Variants in ZNF268 observed in about 807,000 individuals in gnomAD.
The protein encoded by ZNF268 is zinc finger protein 268, also known as zinc finger protein 3.
In ZNF268, 20 loss-of-function variants were observed where a neutral mutation model predicts 29.3. That is an observed-to-expected ratio of 0.68 (90% CI 0.48 to 0.99). The LOEUF is 0.99. Ranked by LOEUF, ZNF268 falls within the 50% of genes least tolerant of loss-of-function variation. ZNF268 has a pLI of 0.00. For synonymous variants in ZNF268, 429 were observed against 376.9 expected (o/e 1.14, Z -1.60); for missense variants, 1,240 against 1,121.6 (o/e 1.11, Z -1.51).
chr12:133,202,955 A>C lies in ZNF268; in HGVS notation c.1269A>C (p.Lys423Asn). ...EKPYECNECQ[K>N]AFNTKSNLMV... ...CATATGAATGCAATGAATGTCAGAAAGCCTTTAATACAAAGTCAAACCTTA... is the reference window on the plus strand; with the variant it reads ...CATATGAATGCAATGAATGTCAGAACGCCTTTAATACAAAGTCAAACCTTA... The change falls in exon 6 of 6, where the codon AAA (lysine) becomes AAC (asparagine). Residue 423 changes from lysine (K) to asparagine (N), a missense_variant. Coordinates refer to ENST00000536435, the MANE Select transcript of ZNF268 (RefSeq NM_003415.3). 1.3e-6 allele frequency: 2 copies of C among 1,546,222 alleles called. No homozygotes were observed. Among genetic ancestry groups the C allele is most frequent in the Non-Finnish European group, 1.7e-6 (2 of 1,150,520 alleles).
Position 133,212,395 on chromosome 12 carries a change from A to T in ZNF268, c.*7865A>T, listed in dbSNP as rs1167688296. 1 of 148,710 alleles carries T rather than the reference A, an allele frequency of 6.7e-6. No individual in the cohort carries two copies. The highest frequency in any genetic ancestry group is 1.5e-5 in the Non-Finnish European group (1 of 67,536). The allele number at this position is 148,710 out of a possible 1,614,324, so 9.2% of individuals were successfully genotyped here. ...GGAGAGCAGGGTGTTCTTTCATCAC[A>T]CATGAAATTATTTCAGGATCAGTTC... On this transcript the variant is annotated 3_prime_UTR_variant, in exon 6 of 6. Transcript: ENST00000536435.
In ZNF268 at chr12:133,210,951, C is replaced by A; in HGVS notation, c.*6421C>A. The A allele has an allele frequency of 2.2e-6, 1 of 456,036 alleles. No homozygotes were observed. The highest frequency in any genetic ancestry group is 4.4e-6 in the Non-Finnish European group (1 of 226,788). The allele number at this position is 456,036 out of a possible 1,614,324, so 28.2% of individuals were successfully genotyped here. On this transcript the variant is annotated 3_prime_UTR_variant, in exon 6 of 6. Coordinates refer to ENST00000536435, the MANE Select transcript of ZNF268 (RefSeq NM_003415.3). ...CTGTTTTGTGATGGCCATGTGCCCC[C>A]TCTTGCAGTCCCAGTGAACCCCTGA...
intron 5 of ZNF268, among the ~76,000 whole-genome samples, chr12:133,196,519 G>A (rs1216070774): frequency 1.3e-5 from 2 of 152,112 alleles, no homozygotes; most frequent in African/African-American, 4.8e-5. Flanking sequence ...GCAAAGATAA[G>A]GATGGGTGTG....
rs1201813545 is a variant in ZNF268, at chr12:133,205,113, G to C, written c.*583G>C. The C allele has an allele frequency of 8.2e-6, 1 of 122,346 alleles. No individual in the cohort carries two copies. The highest frequency in any genetic ancestry group is 1.6e-5 in the Non-Finnish European group (1 of 60,910). 7.6% of individuals were successfully genotyped at this position (122,346 alleles called of 1,614,324 possible). A position where few individuals can be genotyped will look rare whatever the true frequency, so the allele number is the denominator to read the frequency against. ...GAATGTACCAAATAAACCACAGCTGGACTGTTAACCTCACCTTAGAAGCTT... is the reference window on the plus strand; with the variant it reads ...GAATGTACCAAATAAACCACAGCTGCACTGTTAACCTCACCTTAGAAGCTT... On this transcript the variant is annotated 3_prime_UTR_variant, in exon 6 of 6. Coordinates refer to ENST00000536435, the MANE Select transcript of ZNF268 (RefSeq NM_003415.3).
chr12:133,182,975 C>T (rs756301522), intron 2 of ZNF268, among the ~76,000 whole-genome samples: 4 of 152,134 alleles, frequency 2.6e-5, no homozygotes, highest in Non-Finnish European at 4.4e-5. Flanking sequence ...TGGCAGGAGG[C>T]GAGTGGCGGT....
Position 133,202,599 on chromosome 12 carries a change from GGTT to G in ZNF268, c.916_918del (p.Cys306del). The G allele has an allele frequency of 6.2e-7, 1 of 1,606,126 alleles. No homozygotes were observed. The highest frequency in any genetic ancestry group is 8.5e-7 in the Non-Finnish European group (1 of 1,175,810). Reference sequence around the variant, plus strand: ...AACTCATGCCGAAGAGAAACCCTATGGTTGTAATGAATGTGGGAAAGACTTCAG... The same window carrying G: ...AACTCATGCCGAAGAGAAACCCTATGGTAATGAATGTGGGAAAGACTTCAG... On this transcript the variant is annotated inframe_deletion, in exon 6 of 6. Coordinates refer to ENST00000536435, the MANE Select transcript of ZNF268 (RefSeq NM_003415.3).
rs551117188 is a variant in ZNF268, at chr12:133,201,676, G to T, written c.458-468G>T. Among the ~76,000 whole-genome samples the T allele has an allele frequency of 1.2e-4, 18 of 152,156 alleles. No homozygotes were observed. In the South Asian group the frequency reaches 3.1e-3, roughly 26 times the overall value. ...CTAGGTATTGAGATGTTATTCCCAG[G>T]AGGACTGGGAAGTAATCTGCATTGT... On this transcript the variant is annotated intron_variant, in intron 5 of 5. Coordinates refer to ENST00000536435, the MANE Select transcript of ZNF268 (RefSeq NM_003415.3).
chr12:133,202,684 A>T lies in ZNF268; in HGVS notation c.998A>T (p.Glu333Val). Reference protein sequence around the residue: ...QRIHTGEKLHECSECRKTFSF... With the variant: ...QRIHTGEKLHVCSECRKTFSF... ...ATTCATACAGGAGAGAAACTACATG[A>T]ATGCAGTGAATGCAGGAAAACATTC... Residue 333 changes from glutamate (E) to valine (V), a missense_variant, in exon 6 of 6, where the codon GAA becomes GTA. By Grantham distance (121) the Glu-to-Val change is moderately radical. Coordinates refer to ENST00000536435, the MANE Select transcript of ZNF268 (RefSeq NM_003415.3). 1 of 1,609,308 alleles carries T rather than the reference A, an allele frequency of 6.2e-7. No individual in the cohort carries two copies. Among genetic ancestry groups the T allele is most frequent in the South Asian group, 1.1e-5 (1 of 90,508 alleles).
At chr12:133,188,917 A>G (rs1036636644) in intron 3 of ZNF268, among the ~76,000 whole-genome samples, 1 of 151,984 alleles carries the variant, frequency 6.6e-6, no homozygotes, top group African/African-American at 2.4e-5. Flanking sequence ...CTGGATTGCA[A>G]ATTTTTTTAT....
intron 5 of ZNF268, among the ~76,000 whole-genome samples, chr12:133,198,694 A>G (rs1285121322): frequency 1.3e-5 from 2 of 150,706 alleles, no homozygotes; most frequent in African/African-American, 2.4e-5. Context: ...ATTTGTTTGT[A>G]TCTTCTTTTA....
At position 133,203,970 on chromosome 12, in the gene ZNF268, AATAGGAAAGAC is replaced by A; in HGVS notation, c.2285_2295del (p.Asn762ThrfsTer19). 2 of 1,591,720 alleles carry A rather than the reference AATAGGAAAGAC, an allele frequency of 1.3e-6. No homozygotes were observed. Among genetic ancestry groups the A allele is most frequent in the Non-Finnish European group, 1.7e-6 (2 of 1,171,046 alleles). On this transcript the variant is annotated frameshift_variant, in exon 6 of 6. Coordinates refer to ENST00000536435, the MANE Select transcript of ZNF268 (RefSeq NM_003415.3). LOFTEE classifies it low-confidence loss of function (END_TRUNC). ...ATGCAGTGAATGTGGGAAAGCCTTT[AATAGGAAAGAC>A]CAGCTCATTTCACATCAGCGAACTC...
chr12:133,204,283 G>A lies in ZNF268; in HGVS notation c.2597G>A (p.Cys866Tyr). 6.4e-7 allele frequency: 1 copy of A among 1,553,330 alleles called. No individual in the cohort carries two copies. Among genetic ancestry groups the A allele is most frequent in the Non-Finnish European group, 8.7e-7 (1 of 1,152,624 alleles). ...CACACAAGAGAGAAACCATATGAAT[G>A]CAGTGAGTGTGGAAAAGCCTTCATT... ...RMHTREKPYE[C>Y]SECGKAFIRN... Residue 866 changes from cysteine (C) to tyrosine (Y), a missense_variant, in exon 6 of 6, where the codon TGC becomes TAC. Around this residue, in one of 3 missense-constraint regions of ZNF268, gnomAD observed 1,177 missense variants for 1,039.6 expected, o/e 1.13. Transcript: ENST00000536435.
rs375052191 is a variant in ZNF268 at position 133,197,607 on chromosome 12, T to G, written c.458-4537T>G. On this transcript the variant is annotated intron_variant, in intron 5 of 5. Transcript: ENST00000536435. ...TTCTAGTTCTAGATCCCTGAGGAAT[T>G]GCCACACTGACTTCCACAATGGTTG... Among the ~76,000 whole-genome samples the G allele has an allele frequency of 3.3e-5, 5 of 152,196 alleles. No individual in the cohort carries two copies. The East Asian group carries it at 7.7e-4, about 24-fold the overall frequency.
At position 133,203,811 on chromosome 12, in the gene ZNF268, T is replaced by G. The variant is rs758752286; in HGVS notation, c.2125T>G (p.Ser709Ala). The change falls in exon 6 of 6, where the codon TCA becomes GCA. Residue 709 changes from serine to alanine, a missense_variant. By Grantham distance (99) the Ser-to-Ala change is moderately conservative. Transcript: ENST00000536435. ...SECGKAFRSK[S>A]YLIIHMRTHT... ...GTGTGGGAAAGCCTTCAGGAGCAAG[T>G]CATACCTTATTATACATATGAGAAC... is the stretch of plus-strand genomic sequence containing the variant. 6.7e-5 allele frequency: 104 copies of G among 1,563,368 alleles called. No individual in the cohort carries two copies. Among genetic ancestry groups the G allele is most frequent in the Middle Eastern group, 3.3e-4 (2 of 6,028 alleles).
rs1223169286 is a variant in ZNF268 at position 133,210,886 on chromosome 12, T to A, written c.*6356T>A. ...AGACAAGGTGTGTGCTTGCACCCCT[T>A]CCTTACTACCTAGGCACAGTGTTGG... is the stretch of plus-strand genomic sequence containing the variant. On this transcript the variant is annotated 3_prime_UTR_variant, in exon 6 of 6. Transcript: ENST00000536435. 2.2e-6 allele frequency: 1 copy of A among 456,062 alleles called. No homozygotes were observed. The highest frequency in any genetic ancestry group is 7.0e-5 in the East Asian group (1 of 14,382). The allele number at this position is 456,062 out of a possible 1,614,324, so 28.3% of individuals were successfully genotyped here.
intron 2 of ZNF268, chr12:133,184,566 G>A: frequency 3.6e-6 from 1 of 279,506 alleles, no homozygotes; most frequent in South Asian, 3.1e-5. Context: ...TCCTGAAGGA[G>A]AGCCGTCATG....
rs920506483 is a variant in ZNF268, at chr12:133,205,525, A to G, written c.*995A>G. ...TACTGACAATATCTCTGATATGACA[A>G]TATCATCTTCCAGAGATTTCTACTC... On this transcript the variant is annotated 3_prime_UTR_variant, in exon 6 of 6. Coordinates refer to ENST00000536435, the MANE Select transcript of ZNF268 (RefSeq NM_003415.3). 2.0e-5 allele frequency: 3 copies of G among 152,152 alleles called. No homozygotes were observed. Among genetic ancestry groups the G allele is most frequent in the Admixed American group, 1.3e-4 (2 of 15,278 alleles). 9.4% of individuals were successfully genotyped at this position (152,152 alleles called of 1,614,324 possible).
intron 5 of ZNF268, among the ~76,000 whole-genome samples, chr12:133,196,017 T>A (rs1956584115): frequency 7.4e-6 from 1 of 135,252 alleles, no homozygotes; most frequent in African/African-American, 2.8e-5. Context: ...GCCAACCCTG[T>A]CTCTTTAAAA....
chr12:133,199,871 C>T (rs75600015), intron 5 of ZNF268, among the ~76,000 whole-genome samples: 27,668 of 152,004 alleles, frequency 0.18, 3,237 homozygotes, highest in Non-Finnish European at 0.26. Flanking sequence ...TCTGTGGGAT[C>T]GGTGGTGAAA....
Sources: gnomAD v4.1 joint callset for allele counts (sites outside exome capture counted in the v4.1 genomes callset) on GRCh38, gnomAD v4.1.1 for gene constraint, gnomAD v4.1.1 regional missense constraint, MANE v1.5 for transcripts, NCBI Gene and HGNC (gene_info 2026-07-23, HGNC 2026-07-21) for gene names.